The following KLHL14 variants were observed in gnomAD, a reference collection of about 807,000 sequenced individuals.
The protein encoded by KLHL14 is kelch like family member 14.
A neutral mutation model predicts 64.3 loss-of-function variants in KLHL14; 22 were observed. That is an observed-to-expected ratio of 0.34 (90% confidence interval 0.24 to 0.49). KLHL14 has a LOEUF of 0.49. Ranked by LOEUF, KLHL14 falls within the 20% of genes least tolerant of loss-of-function variation. The pLI is 0.99. For synonymous variants in KLHL14, 322 were observed against 333.4 expected (o/e 0.97, Z 0.37); for missense variants, 661 against 789.0 (o/e 0.84, Z 1.94).
intron 5 of KLHL14, among the ~76,000 whole-genome samples, chr18:32,681,488 T>C (rs1490392317): frequency 1.3e-5 from 2 of 152,122 alleles, no homozygotes; most frequent in African/African-American, 4.8e-5. Context: ...GAAAATAACA[T>C]TCAAACAGCA....
intron 3 of KLHL14, among the ~76,000 whole-genome samples, chr18:32,737,063 A>T (rs562116384): frequency 1.3e-5 from 2 of 152,180 alleles, no homozygotes; most frequent in South Asian, 4.1e-4. Flanking sequence ...AATAAGTCTA[A>T]ATTCTTCCTA....
intron 3 of KLHL14, chr18:32,737,234 G>A (rs1037331185): frequency 1.3e-5 from 2 of 151,946 alleles, no homozygotes; most frequent in African/African-American, 4.8e-5. Context: ...ATGAATAAAG[G>A]AAACCCACAG....
chr18:32,701,621 C>G (rs1338220379), intron 3 of KLHL14, among the ~76,000 whole-genome samples: 2 of 152,058 alleles, frequency 1.3e-5, no homozygotes, highest in Non-Finnish European at 2.9e-5. Context: ...GTTTAAGTGG[C>G]AGGATGACAT....
In KLHL14 at chr18:32,685,761, G is replaced by C. The variant is rs188215672; in HGVS notation, c.1238+1394C>G. Among the ~76,000 whole-genome samples the C allele has an allele frequency of 3.3e-3, 496 of 152,248 alleles. 4 individuals are homozygous for C. The highest frequency in any genetic ancestry group is 0.011 in the African/African-American group (474 of 41,564). On this transcript the variant is annotated intron_variant, in intron 5 of 8. Transcript: ENST00000359358. Reference sequence around the variant, plus strand: ...TAAGGGAGTTTTAATATATTTACCAGTATATAGAGTAGAAAGTTAGATATT... The same window carrying C: ...TAAGGGAGTTTTAATATATTTACCACTATATAGAGTAGAAAGTTAGATATT...
intron 2 of KLHL14, among the ~76,000 whole-genome samples, chr18:32,757,812 C>T (rs113806910): frequency 0.012 from 1,839 of 152,246 alleles, 44 homozygotes; most frequent in African/African-American, 0.042. Flanking sequence ...AAATCAATCA[C>T]AGATATTTTT....
chr18:32,747,253 C>T (rs750083065), intron 2 of KLHL14, among the ~76,000 whole-genome samples: 2 of 152,044 alleles, frequency 1.3e-5, no homozygotes, highest in Non-Finnish European at 2.9e-5. Context: ...TTTCCATGGA[C>T]CAGAGGGATG....
rs2049795492 is a variant in KLHL14 at position 32,673,453 on chromosome 18, T to C, written c.*1204A>G. 1 of 152,234 alleles carries C rather than the reference T, an allele frequency of 6.6e-6. No homozygotes were observed. Among genetic ancestry groups the C allele is most frequent in the African/African-American group, 2.4e-5 (1 of 41,470 alleles). The allele number at this position is 152,234 out of a possible 1,614,324, so 9.4% of individuals were successfully genotyped here. A position where few individuals can be genotyped will look rare whatever the true frequency, so the allele number is the denominator to read the frequency against. On this transcript the variant is annotated 3_prime_UTR_variant, in exon 9 of 9. Transcript: ENST00000359358. ...TGGCCACATTGAGACTATCTCATGC[T>C]ATCCTGACCTTCTGCTCCTGAATTC...
intron 2 of KLHL14, among the ~76,000 whole-genome samples, chr18:32,755,699 T>G (rs2050278281): frequency 6.6e-6 from 1 of 152,236 alleles, no homozygotes; most frequent in Non-Finnish European, 1.5e-5. Context: ...CTACCTATGA[T>G]GCTTGCTAAA....
At chr18:32,735,235 G>A (rs1029711932) in intron 3 of KLHL14, among the ~76,000 whole-genome samples, 1 of 152,008 alleles carries the variant, frequency 6.6e-6, no homozygotes, top group African/African-American at 2.4e-5. Flanking sequence ...GGCATCTTTT[G>A]GTGAGATGAA....
At chr18:32,695,328 A>G in intron 4 of KLHL14, 135 bp downstream of exon 4, 1 of 655,394 alleles carries the variant, frequency 1.5e-6, no homozygotes, top group East Asian at 2.7e-5. Flanking sequence ...TGTCAGCCCC[A>G]TCTCCTTACT....
intron 3 of KLHL14, among the ~76,000 whole-genome samples, chr18:32,731,286 A>G (rs750709967): frequency 3.3e-5 from 5 of 152,228 alleles, no homozygotes; most frequent in Non-Finnish European, 7.3e-5. Flanking sequence ...ATATGTGTAC[A>G]TAATAATTGC....
intron 2 of KLHL14, among the ~76,000 whole-genome samples, chr18:32,754,213 T>C (rs2050270564): frequency 6.6e-6 from 1 of 152,200 alleles, no homozygotes; most frequent in Non-Finnish European, 1.5e-5. Flanking sequence ...AGTGATGGAC[T>C]CGTAAGTAAT....
At chr18:32,729,307 C>G (rs932429686) in intron 3 of KLHL14, among the ~76,000 whole-genome samples, 3 of 152,088 alleles carry the variant, frequency 2.0e-5, no homozygotes, top group African/African-American at 7.2e-5. Context: ...GCTGTTCATA[C>G]AGAAGCCACT....
At chr18:32,732,024 C>T (rs1031770792) in intron 3 of KLHL14, among the ~76,000 whole-genome samples, 2 of 152,048 alleles carry the variant, frequency 1.3e-5, no homozygotes, top group South Asian at 2.1e-4. Context: ...AGTTCAAGAC[C>T]AGCTTGGCCA....
Position 32,770,383 on chromosome 18 carries a change from C to T in KLHL14, c.209G>A (p.Gly70Glu), listed in dbSNP as rs1351760182. The change falls in exon 2 of 9, where the codon GGA (glycine) becomes GAA (glutamate). Residue 70 changes from glycine (G) to glutamate (E), a missense_variant. Transcript: ENST00000359358. This position sits in a 1 kb window ranked among gnomAD's most constrained non-coding sequence, Gnocchi z 6.7. ...SLFSSHPPLGGGVGGQDGLGA... is the reference protein window; with the variant it reads ...SLFSSHPPLGEGVGGQDGLGA... Reference sequence around the variant, plus strand: ...CAGGCCGTCCTGGCCGCCGACCCCTCCCCCGAGAGGGGGGTGGCTGGAGAA... The same window carrying T: ...CAGGCCGTCCTGGCCGCCGACCCCTTCCCCGAGAGGGGGGTGGCTGGAGAA... 6.3e-7 allele frequency: 1 copy of T among 1,592,750 alleles called. No homozygotes were observed. Among genetic ancestry groups the T allele is most frequent in the Non-Finnish European group, 8.6e-7 (1 of 1,168,650 alleles).
chr18:32,722,052 T>G (rs1201731774), intron 3 of KLHL14, among the ~76,000 whole-genome samples: 1 of 152,182 alleles, frequency 6.6e-6, no homozygotes, highest in Non-Finnish European at 1.5e-5. Flanking sequence ...TGAGATCTGA[T>G]GGTTTTATAA....
At chr18:32,709,140 G>A (rs1173654117) in intron 3 of KLHL14, among the ~76,000 whole-genome samples, 1 of 152,094 alleles carries the variant, frequency 6.6e-6, no homozygotes, top group Admixed American at 6.5e-5. Flanking sequence ...AAGATCACAC[G>A]GCCTGGCCCT....
intron 2 of KLHL14, among the ~76,000 whole-genome samples, chr18:32,754,474 A>G (rs1325690803): frequency 6.6e-6 from 1 of 152,252 alleles, no homozygotes; most frequent in Non-Finnish European, 1.5e-5. Context: ...ACATCTTTCC[A>G]CTAAAATTAT....
intron 3 of KLHL14, among the ~76,000 whole-genome samples, chr18:32,700,317 A>G (rs1269574473): frequency 6.6e-6 from 1 of 152,194 alleles, no homozygotes; most frequent in Non-Finnish European, 1.5e-5. Context: ...AAACTGTCAG[A>G]TATAACAAAG....
Sources: allele counts gnomAD v4.1 joint callset (sites outside exome capture counted in the v4.1 genomes callset), GRCh38; gene constraint gnomAD v4.1.1; non-coding constraint Gnocchi (gnomAD v3.1); transcripts MANE v1.5; gene names NCBI Gene and HGNC (gene_info 2026-07-23, HGNC 2026-07-21).